TAS2R1: variants seen among roughly 807,000 people sequenced by gnomAD.
The protein encoded by TAS2R1 is taste 2 receptor member 1.
For synonymous variants in TAS2R1, 141 were observed against 134.2 expected (o/e 1.05, Z -0.35); for missense variants, 370 against 353.4 (o/e 1.05, Z -0.38).
chr5:9,738,178 C>T, the TAS2R1 span, among the ~76,000 whole-genome samples: 10 of 152,316 alleles, frequency 6.6e-5, no homozygotes, highest in East Asian at 1.5e-3. Flanking sequence ...TAAACTAGCA[C>T]ATTCTTTTAA....
intron 2 of TAS2R1, among the ~76,000 whole-genome samples, chr5:9,652,263 G>A (rs76940827): frequency 0.027 from 4,164 of 152,242 alleles, 71 homozygotes; most frequent in Middle Eastern, 0.078. Context: ...ACTACACATC[G>A]TCTGTGGCAG....
At chr5:9,873,104 C>A in the TAS2R1 span, among the ~76,000 whole-genome samples, 10 of 152,182 alleles carry the variant, frequency 6.6e-5, no homozygotes, top group African/African-American at 2.4e-4. Context: ...ATTAAAGAGG[C>A]TAAATAACAT....
chr5:9,825,898 C>A, the TAS2R1 span, among the ~76,000 whole-genome samples: 1 of 152,094 alleles, frequency 6.6e-6, no homozygotes, highest in Non-Finnish European at 1.5e-5. Context: ...TCATTTTATA[C>A]CTTTCTTGGC....
chr5:9,749,371 G>A, the TAS2R1 span, among the ~76,000 whole-genome samples: 2 of 152,154 alleles, frequency 1.3e-5, no homozygotes, highest in African/African-American at 2.4e-5. Flanking sequence ...AAAAAAGAGT[G>A]ATCAATAACT....
the TAS2R1 span, among the ~76,000 whole-genome samples, chr5:9,892,827 C>CA: frequency 2.6e-5 from 4 of 152,028 alleles, no homozygotes; most frequent in Non-Finnish European, 5.9e-5. Flanking sequence ...AACAAAAAAA[C>CA]AAAAAAGCAG....
the TAS2R1 span, among the ~76,000 whole-genome samples, chr5:9,813,485 C>T: frequency 1.3e-5 from 2 of 152,192 alleles, no homozygotes; most frequent in Admixed American, 1.3e-4. Context: ...CAGCAGCTAT[C>T]TTGGATGCAG....
At chr5:9,892,684 C>G in the TAS2R1 span, among the ~76,000 whole-genome samples, 1 of 152,240 alleles carries the variant, frequency 6.6e-6, no homozygotes, top group East Asian at 1.9e-4. Flanking sequence ...CTCCACTGAC[C>G]CATATTTAGA....
the TAS2R1 span, among the ~76,000 whole-genome samples, chr5:9,842,223 TTATC>T: frequency 6.6e-6 from 1 of 152,204 alleles, no homozygotes; most frequent in Non-Finnish European, 1.5e-5. Flanking sequence ...AAGTCAGACA[TTATC>T]TATTAAAAAA....
At chr5:9,732,246 G>A in the TAS2R1 span, among the ~76,000 whole-genome samples, 1 of 152,184 alleles carries the variant, frequency 6.6e-6, no homozygotes, top group East Asian at 1.9e-4. Flanking sequence ...GCAGCCTTTA[G>A]TAATGTGTCC....
At chr5:9,901,721 G>A in the TAS2R1 span, among the ~76,000 whole-genome samples, 5 of 152,148 alleles carry the variant, frequency 3.3e-5, no homozygotes, top group East Asian at 5.8e-4. Context: ...AGCATGAAGC[G>A]ATGTGGATCC....
intron 1 of TAS2R1, among the ~76,000 whole-genome samples, chr5:9,670,727 T>C (rs1194349915): frequency 1.3e-5 from 2 of 152,180 alleles, no homozygotes; most frequent in Non-Finnish European, 2.9e-5. Context: ...GAAGAGCTGG[T>C]ATCATTTCTA....
the TAS2R1 span, among the ~76,000 whole-genome samples, chr5:9,830,552 T>C: frequency 6.6e-6 from 1 of 150,402 alleles, no homozygotes; most frequent in Non-Finnish European, 1.5e-5. Flanking sequence ...TAGACATAAA[T>C]AGAGAGATGA....
chr5:9,690,026 A>G (rs554035853), intron 1 of TAS2R1, among the ~76,000 whole-genome samples: 1 of 152,196 alleles, frequency 6.6e-6, no homozygotes, highest in Non-Finnish European at 1.5e-5. Flanking sequence ...TTTCCCAATT[A>G]ATTGAATCTT....
the TAS2R1 span, among the ~76,000 whole-genome samples, chr5:9,727,620 C>T: frequency 1.3e-5 from 2 of 152,204 alleles, no homozygotes; most frequent in Admixed American, 1.3e-4. Context: ...ATATAGGTGG[C>T]CTCTGAGCAA....
upstream of TAS2R1, among the ~76,000 whole-genome samples, chr5:9,715,098 T>G (rs977310368): frequency 6.6e-6 from 1 of 152,120 alleles, no homozygotes; most frequent in Non-Finnish European, 1.5e-5. Context: ...CTACACACAC[T>G]TCAAGAGGGA....
chr5:9,738,649 T>C, the TAS2R1 span, among the ~76,000 whole-genome samples: 1 of 152,186 alleles, frequency 6.6e-6, no homozygotes, highest in African/African-American at 2.4e-5. Flanking sequence ...TATGAACCAA[T>C]TCATGCTACG....
the TAS2R1 span, among the ~76,000 whole-genome samples, chr5:9,811,231 C>T: frequency 2.0e-5 from 3 of 152,194 alleles, no homozygotes; most frequent in African/African-American, 7.2e-5. Flanking sequence ...GGAACTGGTC[C>T]TCACCAGACA....
the TAS2R1 span, among the ~76,000 whole-genome samples, chr5:9,781,002 T>C: frequency 6.6e-6 from 1 of 152,204 alleles, no homozygotes; most frequent in Non-Finnish European, 1.5e-5. Context: ...CCCACAATTG[T>C]GTGAGCCAAT....
chr5:9,731,659 C>T, the TAS2R1 span, among the ~76,000 whole-genome samples: 5 of 152,324 alleles, frequency 3.3e-5, no homozygotes, highest in Non-Finnish European at 4.4e-5. Context: ...AGCCAACTTC[C>T]CATTCTTCTG....
Sources: allele counts gnomAD v4.1 joint callset (sites outside exome capture counted in the v4.1 genomes callset), GRCh38; gene constraint gnomAD v4.1.1; transcripts MANE v1.5; gene names NCBI Gene and HGNC (gene_info 2026-07-23, HGNC 2026-07-21).